Variants in TP73 observed in about 807,000 individuals in gnomAD.
TP73 encodes p53-like transcription factor.
A neutral mutation model predicts 62.5 loss-of-function variants in TP73; 25 were observed. The observed-to-expected ratio is 0.40, with a 90% CI of 0.29 to 0.56. The LOEUF is 0.56. TP73 is among the 20% of genes least tolerant of loss of function. The pLI is 0.46. For missense variants in TP73, 754 were observed against 913.3 expected, an observed-to-expected ratio of 0.83 and a Z score of 2.25; for synonymous variants, 423 against 377.5, an observed-to-expected ratio of 1.12 and a Z score of -1.40.
chr1:3,732,931 TC>T lies in TP73; in HGVS notation c.1765del (p.Arg589AlafsTer165). 1.2e-6 allele frequency: 2 copies of T among 1,610,142 alleles called. No homozygotes were observed. The highest frequency in any genetic ancestry group is 1.7e-6 in the Non-Finnish European group (2 of 1,179,410). On this transcript the variant is annotated frameshift_variant, in exon 14 of 14. Coordinates refer to ENST00000378295, the MANE Select transcript of TP73 (RefSeq NM_005427.4). LOFTEE classifies it high-confidence loss of function. ...CAGCGGGTCATGGAGGCCGTGCACTTCCGCGTGCGCCACACCATCACCATCC... is the reference window on the plus strand; with the variant it reads ...CAGCGGGTCATGGAGGCCGTGCACTTCGCGTGCGCCACACCATCACCATCC... ...QRQRVMEAVHFRVRHTITIPN... is the reference protein window; with the variant it reads ...QRQRVMEAVHXRVRHTITIPN...
At chr1:3,687,941 G>C (rs1645706264) in intron 3 of TP73, among the ~76,000 whole-genome samples, 1 of 152,144 alleles carries the variant, frequency 6.6e-6, no homozygotes, top group Non-Finnish European at 1.5e-5. Context: ...TGAGACCCTA[G>C]AGGTCACCCC....
At chr1:3,708,345 G>A (rs10910016) in intron 4 of TP73, 23,700 of 164,360 alleles carry the variant, frequency 0.14, 1,885 homozygotes, top group Non-Finnish European at 0.17. Flanking sequence ...TCCTCACTGC[G>A]GTGCCCCTGG....
chr1:3,726,728 G>A (rs916663346), intron 6 of TP73, among the ~76,000 whole-genome samples: 10 of 149,232 alleles, frequency 6.7e-5, no homozygotes, highest in African/African-American at 2.2e-4. Context: ...TGGGGTTCGT[G>A]GATGGATGGG....
In TP73 at chr1:3,708,166, G is replaced by T. The variant is rs535978214; in HGVS notation, c.429+375G>T. 394 of 305,454 alleles carry T rather than the reference G, an allele frequency of 1.3e-3. 1 individual carries two copies. The highest frequency in any genetic ancestry group is 7.9e-3 in the African/African-American group (372 of 47,374). The allele number at this position is 305,454 out of a possible 1,614,324, so 18.9% of individuals were successfully genotyped here. ...CTCTGCTGCCAAGAGTTGTCTGTCC[G>T]AGACAGGCCCACAGCCCTAGGGTCT... On this transcript the variant is annotated intron_variant, in intron 4 of 13. Transcript: ENST00000378295.
At chr1:3,722,278 G>A (rs1472519383) in intron 5 of TP73, 71 bp downstream of exon 5, 54 of 1,555,252 alleles carry the variant, frequency 3.5e-5, no homozygotes, top group Non-Finnish European at 4.5e-5. Context: ...GCCGGGGGCT[G>A]CCTAACTGGG....
intron 3 of TP73, among the ~76,000 whole-genome samples, chr1:3,685,722 G>A (rs1418899658): frequency 6.6e-6 from 1 of 152,224 alleles, no homozygotes; most frequent in Admixed American, 6.5e-5. Flanking sequence ...AACTCCAGGG[G>A]TCCCAGAGTG....
At position 3,722,225 on chromosome 1, in the gene TP73, C is replaced by T; in HGVS notation, c.616+18C>T. On this transcript the variant is annotated intron_variant, in intron 5 of 13. Coordinates refer to ENST00000378295, the MANE Select transcript of TP73 (RefSeq NM_005427.4). ...CAACGAAGGTGAGGGCCCCCAGCTC[C>T]TCTGCCCACGGTGGCACTTTGCCCA... 1 of 1,612,016 alleles carries T rather than the reference C, an allele frequency of 6.2e-7. No homozygotes were observed. The highest frequency in any genetic ancestry group is 8.5e-7 in the Non-Finnish European group (1 of 1,179,558).
chr1:3,655,914 A>G (rs895196716), intron 1 of TP73, among the ~76,000 whole-genome samples: 7 of 152,240 alleles, frequency 4.6e-5, no homozygotes, highest in Admixed American at 2.0e-4. Flanking sequence ...GCAGTGGCTC[A>G]CGCCTGTAAT....
intron 6 of TP73, among the ~76,000 whole-genome samples, chr1:3,723,762 C>G (rs571592515): frequency 1.5e-4 from 23 of 152,378 alleles, no homozygotes; most frequent in Non-Finnish European, 2.6e-4. Flanking sequence ...GCCTTGCCCT[C>G]TGTTGGTGCC....
chr1:3,699,600 T>C lies in TP73; in HGVS notation c.187-7949T>C, dbSNP rs1313362155. 6.6e-6 allele frequency among the ~76,000 whole-genome samples: 1 copy of C among 152,208 alleles called. No individual in the cohort carries two copies. The highest frequency in any genetic ancestry group is 2.4e-5 in the African/African-American group (1 of 41,460). ...GGAAACGTCTGTCACGGGCACACCATGCACCATGCCATGGCTGCCAGTGGT... is the reference window on the plus strand; with the variant it reads ...GGAAACGTCTGTCACGGGCACACCACGCACCATGCCATGGCTGCCAGTGGT... On this transcript the variant is annotated intron_variant, in intron 3 of 13. Coordinates refer to ENST00000378295, the MANE Select transcript of TP73 (RefSeq NM_005427.4). The surrounding 1 kb of genome is among the most constrained non-coding windows in gnomAD (Gnocchi z 4.1).
At chr1:3,684,916 C>T (rs1422486357) in intron 3 of TP73, among the ~76,000 whole-genome samples, 1 of 152,140 alleles carries the variant, frequency 6.6e-6, no homozygotes, top group African/African-American at 2.4e-5. Flanking sequence ...TGCAACCTCT[C>T]CCCTCTCTCG....
At chr1:3,655,507 T>C (rs1644847321) in intron 1 of TP73, among the ~76,000 whole-genome samples, 1 of 152,250 alleles carries the variant, frequency 6.6e-6, no homozygotes, top group Non-Finnish European at 1.5e-5. Flanking sequence ...ATCTGTATGT[T>C]ATTTCCTCGT....
chr1:3,664,085 T>TGGCACTGGCAG (rs1645058540), intron 1 of TP73, among the ~76,000 whole-genome samples: 1 of 152,126 alleles, frequency 6.6e-6, no homozygotes, highest in African/African-American at 2.4e-5. Context: ...CCCCCAAGGG[T>TGGCACTGGCAG]GGCACTGGCA....
chr1:3,722,586 C>T (rs551171162), intron 5 of TP73, among the ~76,000 whole-genome samples: 1 of 152,354 alleles, frequency 6.6e-6, no homozygotes, highest in South Asian at 2.1e-4. Flanking sequence ...CAAGGGCTGC[C>T]AGCTGGCCTG....
At position 3,663,475 on chromosome 1, in the gene TP73, G is replaced by T. The variant is rs1196573282; in HGVS notation, c.-34+10834G>T. On this transcript the variant is annotated intron_variant, in intron 1 of 13. Coordinates refer to ENST00000378295, the MANE Select transcript of TP73 (RefSeq NM_005427.4). This position sits in a 1 kb window ranked among gnomAD's most constrained non-coding sequence, Gnocchi z 4.7. ...TCACGCCTGTAATCCCAGCACTTTG[G>T]GAGGCTGAGTCGGGCGGATCACTAG... 5.9e-5 allele frequency among the ~76,000 whole-genome samples: 9 copies of T among 152,180 alleles called. No individual in the cohort carries two copies. The highest frequency in any genetic ancestry group is 4.4e-5 in the Non-Finnish European group (3 of 68,026).
chr1:3,666,124 CAAA>C lies in TP73; in HGVS notation c.-34+13508_-34+13510del, dbSNP rs59432695. Among the ~76,000 whole-genome samples, 2,552 of 40,654 alleles carry C rather than the reference CAAA, an allele frequency of 0.063. 23 individuals are homozygous for C. Among genetic ancestry groups the C allele is most frequent in the East Asian group, 0.15 (167 of 1,092 alleles). The allele number at this position is 40,654 out of a possible 152,430, so 26.7% of individuals were successfully genotyped here. Reference sequence around the variant, plus strand: ...GGGCAACAAGAGCAAAACTCTGTCTCAAAAAAAAAAAAAAAAAAAAAAAAAAAG... The same window carrying C: ...GGGCAACAAGAGCAAAACTCTGTCTCAAAAAAAAAAAAAAAAAAAAAAAAG... On this transcript the variant is annotated intron_variant, in intron 1 of 13. Transcript: ENST00000378295. This position sits in a 1 kb window ranked among gnomAD's most constrained non-coding sequence, Gnocchi z 6.4.
chr1:3,729,879 A>T, intron 10 of TP73, 121 bp from the exon 11 acceptor site: 2 of 1,362,824 alleles, frequency 1.5e-6, no homozygotes, highest in Non-Finnish European at 2.0e-6. Context: ...GGGAGGATGA[A>T]GCCACTCTCT....
In TP73 at chr1:3,701,800, C is replaced by T. The variant is rs529053118; in HGVS notation, c.187-5749C>T. Among the ~76,000 whole-genome samples, 7 of 152,298 alleles carry T rather than the reference C, an allele frequency of 4.6e-5. No homozygotes were observed. Among genetic ancestry groups the T allele is most frequent in the South Asian group, 2.1e-4 (1 of 4,828 alleles). Reference sequence around the variant, plus strand: ...CTGGGATGACAGGCATGAGCCACCACGCCTGGCCAGTACATGTTGATTTCA... The same window carrying T: ...CTGGGATGACAGGCATGAGCCACCATGCCTGGCCAGTACATGTTGATTTCA... On this transcript the variant is annotated intron_variant, in intron 3 of 13. Transcript: ENST00000378295. The surrounding 1 kb of genome is among the most constrained non-coding windows in gnomAD (Gnocchi z 4.7).
intron 1 of TP73, among the ~76,000 whole-genome samples, chr1:3,681,223 G>C (rs979231382): frequency 6.6e-6 from 1 of 152,238 alleles, no homozygotes; most frequent in Non-Finnish European, 1.5e-5. Flanking sequence ...CCCGCTGGCC[G>C]TGGGCAGGTC....
Sources: gnomAD v4.1 joint callset for allele counts (sites outside exome capture counted in the v4.1 genomes callset) on GRCh38, gnomAD v4.1.1 for gene constraint, Gnocchi (gnomAD v3.1) non-coding constraint, MANE v1.5 for transcripts, NCBI Gene and HGNC (gene_info 2026-07-23, HGNC 2026-07-21) for gene names.